Variants in AMMECR1 observed in about 807,000 individuals in gnomAD.
AMMECR1 encodes AMMECR nuclear protein 1, also known as nuclear protein AMMECR1.
A neutral mutation model predicts 22.5 loss-of-function variants in AMMECR1; 3 were observed. The observed-to-expected ratio is 0.13, with a 90% CI of 0.06 to 0.35. The LOEUF is 0.35. AMMECR1 is among the 10% of genes least tolerant of loss of function. The probability of loss-of-function intolerance (pLI) is 1.00; values close to 1 mark genes in which losing one functional copy is unlikely to be tolerated. For synonymous variants in AMMECR1, 130 were observed against 116.7 expected (o/e 1.11, Z -0.74); for missense variants, 235 against 278.7 (o/e 0.84, Z 1.12).
At chrX:110,239,951 C>G (rs1288960842) in intron 2 of AMMECR1, among the ~76,000 whole-genome samples, 5 of 111,508 alleles carry the variant, frequency 4.5e-5, no homozygotes, top group Admixed American at 9.5e-5. Flanking sequence ...CATATCCAGC[C>G]AAACTAAGCT....
chrX:110,256,772 A>G (rs949273365), intron 2 of AMMECR1, among the ~76,000 whole-genome samples: 1 of 111,527 alleles, frequency 9.0e-6, no homozygotes, highest in African/African-American at 3.3e-5. Context: ...ATCACAGAGA[A>G]GGGCTTCATT....
chrX:110,341,441 T>TTACCCAC (rs2068163718), intron 2 of AMMECR1, among the ~76,000 whole-genome samples: 5 of 112,541 alleles, frequency 4.4e-5, no homozygotes, highest in African/African-American at 1.6e-4. Context: ...CAGCCAACTG[T>TTACCCAC]GGTCCAAAAA....
At chrX:110,209,378 G>C (rs1482191186) in intron 3 of AMMECR1, among the ~76,000 whole-genome samples, 3 of 112,077 alleles carry the variant, frequency 2.7e-5, no homozygotes, top group Non-Finnish European at 5.6e-5. Context: ...TATTCATAAA[G>C]TGAATCGCTC....
intron 2 of AMMECR1, among the ~76,000 whole-genome samples, chrX:110,390,179 C>T (rs905002627): frequency 2.7e-5 from 3 of 111,552 alleles, no homozygotes; most frequent in Non-Finnish European, 5.6e-5. Context: ...TGATGGGATT[C>T]AAGGCTGAAT....
At chrX:110,270,432 G>A (rs1030289714) in intron 1 of AMMECR1, among the ~76,000 whole-genome samples, 5 of 111,358 alleles carry the variant, frequency 4.5e-5, no homozygotes, top group Non-Finnish European at 9.4e-5. Context: ...GTTAGAACCT[G>A]GCAAGTCCTC....
chrX:110,342,218 G>GA lies in AMMECR1; in HGVS notation c.-147-24370dup, dbSNP rs760522562. 2.7e-5 allele frequency among the ~76,000 whole-genome samples: 3 copies of GA among 111,245 alleles called. No homozygotes were observed. In the East Asian group the frequency reaches 8.4e-4, roughly 31 times the overall value. On this transcript the variant is annotated intron_variant, in intron 2 of 7. Coordinates refer to the AMMECR1 transcript ENST00000372057. ...CTTTATCATAGATATGTATGTATGGGAAAAAACATAGTGTATACAAGGTAC... is the reference window on the plus strand; with the variant it reads ...CTTTATCATAGATATGTATGTATGGGAAAAAAACATAGTGTATACAAGGTAC...
At chrX:110,377,527 G>A in intron 2 of AMMECR1, among the ~76,000 whole-genome samples, 1 of 111,573 alleles carries the variant, frequency 9.0e-6, no homozygotes, top group Non-Finnish European at 1.9e-5. Flanking sequence ...ACTTGTAAAA[G>A]GCTCGAACTA....
At chrX:110,290,017 G>A (rs1432599631) in intron 1 of AMMECR1, among the ~76,000 whole-genome samples, 2 of 111,318 alleles carry the variant, frequency 1.8e-5, no homozygotes, top group African/African-American at 3.3e-5. Flanking sequence ...AATACAGGTA[G>A]AAACCCATTA....
At chrX:110,268,761 A>C (rs1415771970) in intron 1 of AMMECR1, among the ~76,000 whole-genome samples, 1 of 112,055 alleles carries the variant, frequency 8.9e-6, no homozygotes, top group Non-Finnish European at 1.9e-5. Context: ...AATCAGAGGC[A>C]GATCAAAGTA....
chrX:110,317,947 C>T lies in AMMECR1; in HGVS notation c.125G>A (p.Gly42Glu). ...HCSGESQCRA[G>E]ELGLGGAGTR... is the part of the protein sequence containing the mutation. ...ACCGGCGCCTCCTAGTCCCAGCTCC[C>T]CAGCTCGGCACTGGCTCTCTCCGCT... Residue 42 changes from glycine (G) to glutamate (E), a missense_variant, in exon 1 of 6, where the codon GGG becomes GAG. Around this residue, in one of 2 missense-constraint regions of AMMECR1, gnomAD observed 124 missense variants for 97.0 expected, o/e 1.28. Transcript: ENST00000262844. 8.3e-7 allele frequency: 1 copy of T among 1,199,229 alleles called. No homozygotes were observed. The highest frequency in any genetic ancestry group is 1.8e-5 in the South Asian group (1 of 54,909).
At chrX:110,295,916 T>C (rs1032039763) in intron 1 of AMMECR1, among the ~76,000 whole-genome samples, 5 of 112,078 alleles carry the variant, frequency 4.5e-5, no homozygotes, top group Admixed American at 3.8e-4. Context: ...AATTAGTTTT[T>C]TATGCAGCTG....
chrX:110,230,926 G>T (rs1007408087), intron 2 of AMMECR1, among the ~76,000 whole-genome samples: 2 of 111,902 alleles, frequency 1.8e-5, no homozygotes. Context: ...GGAAGAAAGG[G>T]TATCAGTGAT....
At chrX:110,432,479 A>T (rs2068804499) in intron 1 of AMMECR1, among the ~76,000 whole-genome samples, 1 of 112,077 alleles carries the variant, frequency 8.9e-6, no homozygotes, top group South Asian at 3.8e-4. Flanking sequence ...GTCTGGCTGT[A>T]ATTAGCCCCA....
At chrX:110,361,380 C>T (rs772131901) in intron 2 of AMMECR1, among the ~76,000 whole-genome samples, 1 of 111,580 alleles carries the variant, frequency 9.0e-6, no homozygotes, top group African/African-American at 3.3e-5. Flanking sequence ...GCACTAGCCT[C>T]TCAACTGTTC....
chrX:110,353,571 T>A (rs751297803), intron 2 of AMMECR1, among the ~76,000 whole-genome samples: 132 of 112,350 alleles, frequency 1.2e-3, no homozygotes, highest in African/African-American at 4.0e-3. Flanking sequence ...CTTTGACTCA[T>A]TGATTGTACA....
chrX:110,364,203 C>T (rs764759658), intron 2 of AMMECR1, among the ~76,000 whole-genome samples: 8 of 111,618 alleles, frequency 7.2e-5, no homozygotes, highest in Middle Eastern at 4.6e-3. Context: ...AGATGGGCTT[C>T]TCCCTTGTCT....
intron 2 of AMMECR1, among the ~76,000 whole-genome samples, chrX:110,371,641 C>G (rs1020262570): frequency 9.0e-6 from 1 of 111,184 alleles, no homozygotes; most frequent in Non-Finnish European, 1.9e-5. Flanking sequence ...GACTGGAGAT[C>G]AGAGACAGGT....
At position 110,392,001 on chromosome X, in the gene AMMECR1, CAAT is replaced by C. The variant is rs1182523843; in HGVS notation, c.-148+34654_-148+34656del. ...AAACATAATGTTTCATTTAAAAGAC[CAAT>C]AATATTGAATTAAGATAAAGTTCCC... On this transcript the variant is annotated intron_variant, in intron 2 of 7. Transcript: ENST00000372057. Among the ~76,000 whole-genome samples, 5 of 111,960 alleles carry C rather than the reference CAAT, an allele frequency of 4.5e-5. No homozygotes were observed. The South Asian group carries it at 1.8e-3, about 41-fold the overall frequency.
intron 2 of AMMECR1, among the ~76,000 whole-genome samples, chrX:110,384,227 G>C (rs1164916417): frequency 1.8e-5 from 2 of 110,994 alleles, no homozygotes; most frequent in South Asian, 3.9e-4. Flanking sequence ...CTCCCCCATA[G>C]TGCCTGGTGT....
Sources: gnomAD v4.1 joint callset for allele counts (sites outside exome capture counted in the v4.1 genomes callset) on GRCh38, gnomAD v4.1.1 for gene constraint, gnomAD v4.1.1 regional missense constraint, MANE v1.5 for transcripts, NCBI Gene and HGNC (gene_info 2026-07-23, HGNC 2026-07-21) for gene names.